The following NKX2-2 variants were observed in gnomAD, a reference collection of about 807,000 sequenced individuals.
NKX2-2 encodes the protein NK2 homeobox 2.
Under a neutral mutation model 24.6 loss-of-function variants are expected in NKX2-2, and 8 were observed. That is an observed-to-expected ratio of 0.32 (90% CI 0.19 to 0.59). The LOEUF is 0.59. Among genes scored for constraint, NKX2-2 ranks in the 20% least tolerant of loss-of-function variants. NKX2-2 has a pLI of 0.86. For missense variants in NKX2-2, 381 were observed against 373.9 expected (o/e 1.02, Z -0.16); for synonymous variants, 217 against 173.3 (o/e 1.25, Z -1.98).
upstream of NKX2-2, among the ~76,000 whole-genome samples, chr20:21,514,502 G>T: frequency 6.6e-6 from 1 of 151,774 alleles, no homozygotes; most frequent in Non-Finnish European, 1.5e-5. Context: ...TCTTAAAAAA[G>T]GTGGGGGTGG....
At position 21,512,375 on chromosome 20, in the gene NKX2-2, C is replaced by T. The variant is rs752031451; in HGVS notation, c.370G>A (p.Asp124Asn). Residue 124 changes from aspartate to asparagine, a missense_variant, in exon 2 of 2, where the codon GAC becomes AAC. By Grantham distance (23) the Asp-to-Asn change is conservative. Transcript: ENST00000377142. ...CGCCGCTTTCGCTTCTTGCCGGCGTCCCCCCCGCCGCCCGGGGTCTCCTTG... is the reference window on the plus strand; with the variant it reads ...CGCCGCTTTCGCTTCTTGCCGGCGTTCCCCCCGCCGCCCGGGGTCTCCTTG... The part of the protein sequence containing the change: ...NDKETPGGGG[D>N]AGKKRKRRVL... The T allele has an allele frequency of 5.6e-6, 9 of 1,602,136 alleles. No homozygotes were observed. The highest frequency in any genetic ancestry group is 3.4e-5 in the Admixed American group (2 of 58,066).
chr20:21,512,014 T>G lies in NKX2-2; in HGVS notation c.731A>C (p.His244Pro). Residue 244 changes from histidine (H) to proline (P), a missense_variant, in exon 2 of 2, where the codon CAC becomes CCC. His to Pro is a moderately conservative substitution (Grantham distance 77). Transcript: ENST00000377142. ...GCTGTACTGGGCGTTGTACTGCATG[T>G]GCTGCAGCGACTGCGCGCTGTAGGC... ...FSAYSAQSLQHMQYNAQYSSA... is the reference protein window; with the variant it reads ...FSAYSAQSLQPMQYNAQYSSA... The G allele has an allele frequency of 1.2e-6, 2 of 1,613,476 alleles. No individual in the cohort carries two copies. The highest frequency in any genetic ancestry group is 8.5e-7 in the Non-Finnish European group (1 of 1,179,916).
At chr20:21,515,447 G>T (rs1259304632), upstream of NKX2-2, among the ~76,000 whole-genome samples, 1 of 152,178 alleles carries the variant, frequency 6.6e-6, no homozygotes, top group African/African-American at 2.4e-5. Flanking sequence ...CGCGCTCCAC[G>T]TTTCCAGGTT....
intron 1 of NKX2-2, 41 bp from the exon 2 acceptor site, chr20:21,512,526 G>A (rs528800891): frequency 4.9e-6 from 7 of 1,434,510 alleles, no homozygotes; most frequent in Non-Finnish European, 6.5e-6. Context: ...GGCGTCTGGA[G>A]GCCGCGCGCA....
At chr20:21,518,841 G>A (rs541428473), upstream of NKX2-2, among the ~76,000 whole-genome samples, 1 of 152,362 alleles carries the variant, frequency 6.6e-6, no homozygotes, top group African/African-American at 2.4e-5. Flanking sequence ...AGCCTTTCTT[G>A]TGCCTGTGGA....
chr20:21,514,396 G>A (rs1379424859), upstream of NKX2-2, among the ~76,000 whole-genome samples: 4 of 151,414 alleles, frequency 2.6e-5, no homozygotes, highest in South Asian at 2.1e-4. Flanking sequence ...AAGACGGGGC[G>A]AGCCTTTTTT....
upstream of NKX2-2, among the ~76,000 whole-genome samples, chr20:21,516,326 T>G (rs370323575): frequency 4.2e-4 from 64 of 151,982 alleles, no homozygotes; most frequent in Non-Finnish European, 6.2e-4. Flanking sequence ...CTTCCCCCCT[T>G]TTTTCCCCTG....
chr20:21,512,006 A>T lies in NKX2-2; in HGVS notation c.739T>A (p.Tyr247Asn). The T allele has an allele frequency of 6.2e-7, 1 of 1,613,362 alleles. No individual in the cohort carries two copies. The highest frequency in any genetic ancestry group is 1.1e-5 in the South Asian group (1 of 91,080). The change falls in exon 2 of 2, where the codon TAC becomes AAC. Residue 247 changes from tyrosine (Y) to asparagine (N), a missense_variant. Physicochemically the swap from Tyr to Asn is moderately radical, Grantham distance 143. Coordinates refer to ENST00000377142, the MANE Select transcript of NKX2-2 (RefSeq NM_002509.4). ...CTGGCCGAGCTGTACTGGGCGTTGT[A>T]CTGCATGTGCTGCAGCGACTGCGCG... ...YSAQSLQHMQ[Y>N]NAQYSSASTP...
rs1980443742 is a variant in NKX2-2, at chr20:21,511,882, G to GGGGCCT, written c.*35_*40dup. The stretch of plus-strand genomic sequence containing the variant: ...TCCTCGCCGCCACCGCCGCCGGGGT[G>GGGGCCT]GGGCCTGGGCCTGGGGCCGCGAGTC... On this transcript the variant is annotated 3_prime_UTR_variant, in exon 2 of 2. Coordinates refer to ENST00000377142, the MANE Select transcript of NKX2-2 (RefSeq NM_002509.4). The GGGGCCT allele has an allele frequency of 6.7e-7, 1 of 1,493,574 alleles. No homozygotes were observed. The highest frequency in any genetic ancestry group is 2.2e-5 in the Admixed American group (1 of 46,228). The allele number at this position is 1,493,574 out of a possible 1,614,324, so 92.5% of individuals were successfully genotyped here. A position where few individuals can be genotyped will look rare whatever the true frequency, so the allele number is the denominator to read the frequency against.
upstream of NKX2-2, among the ~76,000 whole-genome samples, chr20:21,518,128 G>T (rs545582153): frequency 6.6e-6 from 1 of 152,186 alleles, no homozygotes; most frequent in East Asian, 1.9e-4. Context: ...AAGATGCCTC[G>T]TTCTGCTGCA....
chr20:21,521,907 C>T, the NKX2-2 span, among the ~76,000 whole-genome samples: 1 of 152,210 alleles, frequency 6.6e-6, no homozygotes, highest in African/African-American at 2.4e-5. Context: ...TCGCTCTGCG[C>T]CCTTCCCCCA....
At chr20:21,516,614 A>T (rs1980646773), upstream of NKX2-2, among the ~76,000 whole-genome samples, 1 of 151,912 alleles carries the variant, frequency 6.6e-6, no homozygotes, top group Non-Finnish European at 1.5e-5. Context: ...AAGTTCCTCA[A>T]CCCAAGCGTT....
At position 21,511,588 on chromosome 20, in the gene NKX2-2, C is replaced by G; in HGVS notation, c.*335G>C. ...GGGGGGTCGGTCTTTTTCTCGTTTT[C>G]AAGTGACGACATTAACGCTGGGACG... On this transcript the variant is annotated 3_prime_UTR_variant, in exon 2 of 2. Coordinates refer to ENST00000377142, the MANE Select transcript of NKX2-2 (RefSeq NM_002509.4). The G allele has an allele frequency of 4.4e-6, 1 of 229,100 alleles. No individual in the cohort carries two copies. The allele number at this position is 229,100 out of a possible 1,614,324, so 14.2% of individuals were successfully genotyped here.
At position 21,511,258 on chromosome 20, in the gene NKX2-2, A is replaced by G. The variant is rs2122536391; in HGVS notation, c.*665T>C. 1 of 152,702 alleles carries G rather than the reference A, an allele frequency of 6.5e-6. No homozygotes were observed. Among genetic ancestry groups the G allele is most frequent in the Middle Eastern group, 3.4e-3 (1 of 294 alleles). The allele number at this position is 152,702 out of a possible 1,614,324, so 9.5% of individuals were successfully genotyped here. On this transcript the variant is annotated 3_prime_UTR_variant, in exon 2 of 2. Transcript: ENST00000377142. ...GAAAGCAGGGGAAAACGCAAAAACA[A>G]AAACAAAACAAAAAACAAACCCAAA...
Position 21,513,491 on chromosome 20 carries a change from G to A in NKX2-2, c.179C>T (p.Pro60Leu). Residue 60 changes from proline to leucine, a missense_variant, in exon 1 of 2, where the codon CCC (proline) becomes CTC (leucine). Pro to Leu is a moderately conservative substitution (Grantham distance 98). Around this residue, in one of 3 missense-constraint regions of NKX2-2, gnomAD observed 206 missense variants for 173.1 expected, o/e 1.19. Transcript: ENST00000377142. The surrounding 1 kb of genome is among the most constrained non-coding windows in gnomAD (Gnocchi z 4.6). ...QGALDAVQSL[P>L]LKNPFYDSSD... ...GCTGTCGTAGAAGGGGTTCTTCAGG[G>A]GCAGGCTCTGCACCGCGTCCAGGGC... 4.3e-6 allele frequency: 7 copies of A among 1,611,808 alleles called. No homozygotes were observed. The highest frequency in any genetic ancestry group is 5.9e-6 in the Non-Finnish European group (7 of 1,179,018).
At chr20:21,515,600 G>C (rs546989545), upstream of NKX2-2, among the ~76,000 whole-genome samples, 362 of 152,004 alleles carry the variant, frequency 2.4e-3, 1 homozygote, top group East Asian at 3.5e-3. Flanking sequence ...ACTTTTTTGG[G>C]GGGGGGGTGC....
chr20:21,512,315 C>A lies in NKX2-2; in HGVS notation c.430G>T (p.Glu144Ter). ...LFSKAQTYEL[E>*]RRFRQQRYLS... The stretch of plus-strand genomic sequence containing the variant: ...TACCGCTGCTGCCGAAAGCGCCGCT[C>A]CAGCTCGTAGGTCTGCGCCTTGGAG... The change falls in exon 2 of 2, where the codon GAG (glutamate) becomes TAG (stop). Residue 144 changes from glutamate to a stop codon, truncating the protein, a stop_gained. Transcript: ENST00000377142. LOFTEE classifies it high-confidence loss of function. 6.2e-7 allele frequency: 1 copy of A among 1,613,480 alleles called. No individual in the cohort carries two copies. Among genetic ancestry groups the A allele is most frequent in the Admixed American group, 1.7e-5 (1 of 59,978 alleles).
Position 21,511,949 on chromosome 20 carries a change from C to A in NKX2-2, c.796G>T (p.Val266Phe), listed in dbSNP as rs1980446154. Residue 266 changes from valine (V) to phenylalanine (F), a missense_variant, in exon 2 of 2, where the codon GTC (valine) becomes TTC (phenylalanine). Coordinates refer to ENST00000377142, the MANE Select transcript of NKX2-2 (RefSeq NM_002509.4). ...CACCAAGTCCACTGCTGGGCCTGGACCAGGGGGTGTGCTGTCGGGTACTGG... is the reference window on the plus strand; with the variant it reads ...CACCAAGTCCACTGCTGGGCCTGGAACAGGGGGTGTGCTGTCGGGTACTGG... Reference protein sequence around the residue: ...TPQYPTAHPLVQAQQWTW With the variant: ...TPQYPTAHPLFQAQQWTW The A allele has an allele frequency of 6.2e-7, 1 of 1,600,692 alleles. No homozygotes were observed. The highest frequency in any genetic ancestry group is 1.7e-5 in the Admixed American group (1 of 59,742).
rs775533875 is a variant in NKX2-2 at position 21,513,524 on chromosome 20, C to A, written c.146G>T (p.Gly49Val). The A allele has an allele frequency of 6.2e-7, 1 of 1,613,248 alleles. No individual in the cohort carries two copies. The highest frequency in any genetic ancestry group is 1.3e-5 in the African/African-American group (1 of 75,024). Reference protein sequence around the residue: ...PEPAKRAGPLGQGALDAVQSL... With the variant: ...PEPAKRAGPLVQGALDAVQSL... ...CTGCACCGCGTCCAGGGCGCCCTGCCCCAGCGGCCCGGCCCTCTTGGCTGG... is the reference window on the plus strand; with the variant it reads ...CTGCACCGCGTCCAGGGCGCCCTGCACCAGCGGCCCGGCCCTCTTGGCTGG... The change falls in exon 1 of 2, where the codon GGG becomes GTG. Residue 49 changes from glycine (G) to valine (V), a missense_variant. Around this residue, in one of 3 missense-constraint regions of NKX2-2, gnomAD observed 206 missense variants for 173.1 expected, o/e 1.19. Transcript: ENST00000377142. This position sits in a 1 kb window ranked among gnomAD's most constrained non-coding sequence, Gnocchi z 4.6.
Sources: allele counts gnomAD v4.1 joint callset (sites outside exome capture counted in the v4.1 genomes callset), GRCh38; gene constraint gnomAD v4.1.1; regional missense constraint gnomAD v4.1.1; non-coding constraint Gnocchi (gnomAD v3.1); transcripts MANE v1.5; gene names NCBI Gene and HGNC (gene_info 2026-07-23, HGNC 2026-07-21).